KIAA1217: variants seen among roughly 807,000 people sequenced by gnomAD.
KIAA1217 encodes sickle tail protein homolog.
In KIAA1217, 88 loss-of-function variants were observed where a neutral mutation model predicts 163.9. That is an observed-to-expected ratio of 0.54 (90% CI 0.45 to 0.64). The LOEUF (loss-of-function observed/expected upper bound fraction) is 0.64. Ranked by LOEUF, KIAA1217 falls within the 30% of genes least tolerant of loss-of-function variation. The probability of loss-of-function intolerance (pLI) is 0.00; values close to 1 mark genes in which losing one functional copy is unlikely to be tolerated. For missense variants in KIAA1217, 2,372 were observed against 2,475.0 expected (o/e 0.96, Z 0.88); for synonymous variants, 903 against 923.1 (o/e 0.98, Z 0.39).
intron 1 of KIAA1217, among the ~76,000 whole-genome samples, chr10:23,871,006 T>TC (rs771898794): frequency 4.4e-4 from 67 of 151,944 alleles, no homozygotes; most frequent in Non-Finnish European, 8.5e-4. Context: ...TGTTTTTTTT[T>TC]CTTTTTCTTT....
intron 2 of KIAA1217, among the ~76,000 whole-genome samples, chr10:24,169,952 T>A (rs2065546918): frequency 6.6e-6 from 1 of 152,212 alleles, no homozygotes; most frequent in Non-Finnish European, 1.5e-5. Flanking sequence ...TTTATTAGTA[T>A]TCAAAAAGCT....
chr10:24,300,949 A>G (rs2041247430), intron 2 of KIAA1217, among the ~76,000 whole-genome samples: 2 of 152,044 alleles, frequency 1.3e-5, no homozygotes, highest in South Asian at 4.2e-4. Context: ...AATAGCTGGG[A>G]TTACAGGCAC....
chr10:23,838,649 T>C (rs1838611612), intron 1 of KIAA1217, among the ~76,000 whole-genome samples: 2 of 152,100 alleles, frequency 1.3e-5, no homozygotes, highest in East Asian at 1.9e-4. Flanking sequence ...TCAGTGGAGA[T>C]GGGATTTTGC....
intron 2 of KIAA1217, among the ~76,000 whole-genome samples, chr10:24,357,912 C>T (rs901003737): frequency 6.6e-6 from 1 of 152,128 alleles, no homozygotes; most frequent in Non-Finnish European, 1.5e-5. Context: ...TGGGCCTGTT[C>T]CAGGGCTGTG....
chr10:23,724,918 G>A (rs1466688161), intron 1 of KIAA1217, among the ~76,000 whole-genome samples: 1 of 152,128 alleles, frequency 6.6e-6, no homozygotes, highest in Non-Finnish European at 1.5e-5. Flanking sequence ...TTGTATATCT[G>A]GTCCATGACT....
chr10:24,257,764 C>A (rs2075314127), intron 2 of KIAA1217, among the ~76,000 whole-genome samples: 1 of 152,134 alleles, frequency 6.6e-6, no homozygotes, highest in Non-Finnish European at 1.5e-5. Flanking sequence ...AGATTCCTGC[C>A]TGGAGTGCAT....
chr10:24,290,080 A>C (rs1415580720), intron 2 of KIAA1217, among the ~76,000 whole-genome samples: 2 of 152,138 alleles, frequency 1.3e-5, no homozygotes, highest in African/African-American at 4.8e-5. Flanking sequence ...GCTAGGCAAG[A>C]GTCCTAGGAG....
At chr10:24,283,635 C>T (rs1433660485) in intron 2 of KIAA1217, among the ~76,000 whole-genome samples, 1 of 152,056 alleles carries the variant, frequency 6.6e-6, no homozygotes, top group Non-Finnish European at 1.5e-5. Context: ...CACCGCACTT[C>T]AGCCTGAGGA....
chr10:24,318,769 A>C (rs2043742480), intron 2 of KIAA1217, among the ~76,000 whole-genome samples: 1 of 151,994 alleles, frequency 6.6e-6, no homozygotes, highest in Admixed American at 6.5e-5. Context: ...ACCTCTGAAA[A>C]CCTCATGTTG....
chr10:24,349,632 C>T (rs192156939), intron 2 of KIAA1217, among the ~76,000 whole-genome samples: 1 of 152,290 alleles, frequency 6.6e-6, no homozygotes, highest in East Asian at 1.9e-4. Flanking sequence ...CTCTTATAAC[C>T]TGAGGCTATG....
intron 2 of KIAA1217, among the ~76,000 whole-genome samples, chr10:24,356,832 AT>A (rs969611576): frequency 6.6e-6 from 1 of 152,216 alleles, no homozygotes; most frequent in African/African-American, 2.4e-5. Context: ...TATTTTCTTT[AT>A]AAATTACCCA....
intron 2 of KIAA1217, among the ~76,000 whole-genome samples, chr10:24,256,156 C>T (rs1053425238): frequency 6.6e-6 from 1 of 151,366 alleles, no homozygotes; most frequent in South Asian, 2.1e-4. Flanking sequence ...GCCTGCGGGG[C>T]TGGTGTGTGT....
chr10:23,728,799 A>G (rs1838309997), intron 1 of KIAA1217, among the ~76,000 whole-genome samples: 1 of 152,200 alleles, frequency 6.6e-6, no homozygotes, highest in Non-Finnish European at 1.5e-5. Flanking sequence ...GTGGAATTAT[A>G]TACAAAGATT....
chr10:23,876,516 A>T (rs561004967), intron 1 of KIAA1217, among the ~76,000 whole-genome samples: 1,985 of 152,004 alleles, frequency 0.013, 59 homozygotes, highest in African/African-American at 0.045. Flanking sequence ...AAAAAAAAAG[A>T]AAATGCACCT....
intron 2 of KIAA1217, among the ~76,000 whole-genome samples, chr10:24,068,807 C>A (rs2061071176): frequency 6.6e-6 from 1 of 152,218 alleles, no homozygotes; most frequent in South Asian, 2.1e-4. Flanking sequence ...GCACCCAACT[C>A]TTTCCTTCCT....
chr10:24,524,948 G>A (rs2071867775), intron 13 of KIAA1217, among the ~76,000 whole-genome samples, 184 bp downstream of exon 13: 1 of 132,218 alleles, frequency 7.6e-6, no homozygotes, highest in African/African-American at 3.4e-5. Context: ...AGAGAAGGGT[G>A]AGACACCTGG....
intron 2 of KIAA1217, among the ~76,000 whole-genome samples, chr10:24,184,266 C>A (rs1404501077): frequency 6.6e-6 from 1 of 152,128 alleles, no homozygotes; most frequent in Non-Finnish European, 1.5e-5. Flanking sequence ...CCAGTGGAAT[C>A]ACTGGATAAT....
intron 8 of KIAA1217, among the ~76,000 whole-genome samples, chr10:24,499,872 G>T (rs945360890): frequency 6.6e-6 from 1 of 152,284 alleles, no homozygotes; most frequent in Non-Finnish European, 1.5e-5. Flanking sequence ...TGGGAGACTG[G>T]CCCTATTTGG....
intron 2 of KIAA1217, among the ~76,000 whole-genome samples, chr10:24,034,108 G>C (rs527922493): frequency 1.8e-4 from 28 of 152,132 alleles, no homozygotes; most frequent in Non-Finnish European, 3.2e-4. Context: ...AAGTGCTTTC[G>C]TATTCATTAT....
Sources: allele counts gnomAD v4.1 joint callset (sites outside exome capture counted in the v4.1 genomes callset), GRCh38; gene constraint gnomAD v4.1.1; transcripts MANE v1.5; gene names NCBI Gene and HGNC (gene_info 2026-07-23, HGNC 2026-07-21).